ABHD12: variants seen among roughly 807,000 people sequenced by gnomAD.
ABHD12 encodes the protein abhydrolase domain containing 12, lysophospholipase, also known as lysophosphatidylserine lipase ABHD12.
In ABHD12, 43 loss-of-function variants were observed where a neutral mutation model predicts 58.3. That is an observed-to-expected ratio of 0.74 (90% confidence interval 0.58 to 0.95). ABHD12 has a LOEUF of 0.95. Among genes scored for constraint, ABHD12 ranks in the 40% least tolerant of loss-of-function variants. The pLI is 0.00. For synonymous variants in ABHD12, 219 were observed against 211.2 expected (o/e 1.04, Z -0.32); for missense variants, 539 against 537.2 (o/e 1.00, Z -0.03).
intron 7 of ABHD12, 120 bp downstream of exon 7, chr20:25,309,326 C>A: frequency 6.9e-7 from 1 of 1,457,510 alleles, no homozygotes; most frequent in South Asian, 1.2e-5. Context: ...GGGAGCGAGG[C>A]TGGTCGGGAC....
At chr20:25,298,259 G>A (rs566468949), downstream of ABHD12, among the ~76,000 whole-genome samples, 453 of 129,426 alleles carry the variant, frequency 3.5e-3, 1 homozygote, top group South Asian at 7.2e-3. Context: ...GTGCCTGAAC[G>A]GCTAGTTTTG....
intron 1 of ABHD12, among the ~76,000 whole-genome samples, chr20:25,362,812 T>C (rs1475536737): frequency 4.6e-5 from 7 of 151,614 alleles, no homozygotes; most frequent in Admixed American, 1.3e-4. Flanking sequence ...GTAGATGGGA[T>C]TGCAGGCGTG....
chr20:25,316,543 T>TG (rs2088965595), intron 5 of ABHD12, among the ~76,000 whole-genome samples: 2 of 152,266 alleles, frequency 1.3e-5, no homozygotes, highest in Admixed American at 1.3e-4. Context: ...TATCTGCACT[T>TG]GGTCTACAAA....
At chr20:25,369,996 T>C (rs2089879465) in intron 1 of ABHD12, among the ~76,000 whole-genome samples, 1 of 150,274 alleles carries the variant, frequency 6.7e-6, no homozygotes, top group Non-Finnish European at 1.5e-5. Flanking sequence ...TAGATATAAG[T>C]GGGTCCTTGC....
At chr20:25,303,754 C>G (rs932058441) in intron 10 of ABHD12, 126 bp from the exon 11 acceptor site, 1 of 1,335,470 alleles carries the variant, frequency 7.5e-7, no homozygotes, top group African/African-American at 1.5e-5. Context: ...TGCTGGATTT[C>G]TTTTTACTAG....
chr20:25,353,854 G>A (rs1038896340), intron 1 of ABHD12, among the ~76,000 whole-genome samples: 3 of 152,138 alleles, frequency 2.0e-5, no homozygotes, highest in Non-Finnish European at 2.9e-5. Context: ...CAAACTCAAC[G>A]TCAGGCCGTG....
At chr20:25,334,622 A>G (rs1460843701) in intron 2 of ABHD12, among the ~76,000 whole-genome samples, 1 of 151,908 alleles carries the variant, frequency 6.6e-6, no homozygotes, top group African/African-American at 2.4e-5. Flanking sequence ...GATCAATGGA[A>G]CAGAACAGAG....
At chr20:25,365,449 C>A (rs1324024009) in intron 1 of ABHD12, among the ~76,000 whole-genome samples, 1 of 152,142 alleles carries the variant, frequency 6.6e-6, no homozygotes, top group African/African-American at 2.4e-5. Context: ...TTTTACAGCT[C>A]CTAACTGGGT....
downstream of ABHD12, among the ~76,000 whole-genome samples, chr20:25,295,242 C>T (rs2088522309): frequency 1.3e-5 from 2 of 152,258 alleles, no homozygotes; most frequent in Admixed American, 1.3e-4. Flanking sequence ...GCAAGTGCCC[C>T]CTGCCCTGAG....
At chr20:25,296,058 A>G (rs540662186), downstream of ABHD12, among the ~76,000 whole-genome samples, 1 of 152,292 alleles carries the variant, frequency 6.6e-6, no homozygotes, top group East Asian at 1.9e-4. Flanking sequence ...GTCCCCTGGC[A>G]CTGGATCTGC....
chr20:25,354,422 G>A (rs183911522), intron 1 of ABHD12, among the ~76,000 whole-genome samples: 12 of 152,330 alleles, frequency 7.9e-5, no homozygotes, highest in Admixed American at 7.2e-4. Flanking sequence ...GACAGAATAC[G>A]TTCTACATTT....
At chr20:25,388,779 G>A (rs984857936) in intron 1 of ABHD12, among the ~76,000 whole-genome samples, 1 of 124,050 alleles carries the variant, frequency 8.1e-6, no homozygotes, top group African/African-American at 3.0e-5. Context: ...AAAACAATTT[G>A]ATTTTTTCTT....
At position 25,314,964 on chromosome 20, in the gene ABHD12, T is replaced by C. The variant is rs775763559; in HGVS notation, c.580A>G (p.Ser194Gly). ...GTGACCACATGGTAACCAAGGGAAC[T>C]CAGCACCTGTAAAGTGAAAAATAAA... ...DHRVELYKVL[S>G]SLGYHVVTFD... is the part of the protein sequence containing the mutation. Residue 194 changes from serine (S) to glycine (G), a missense_variant, in exon 6 of 13, where the codon AGT (serine) becomes GGT (glycine). Transcript: ENST00000339157. 3.1e-6 allele frequency: 5 copies of C among 1,614,246 alleles called. No homozygotes were observed. The Admixed American group carries it at 6.7e-5, about 22-fold the overall frequency.
intron 1 of ABHD12, among the ~76,000 whole-genome samples, chr20:25,384,906 AT>A (rs543485770): frequency 7.2e-5 from 11 of 152,310 alleles, no homozygotes; most frequent in Middle Eastern, 6.8e-3. Context: ...ACTTCTCAGC[AT>A]CCCCCAGAAC....
At chr20:25,377,360 G>GT (rs913310581) in intron 1 of ABHD12, among the ~76,000 whole-genome samples, 1 of 152,126 alleles carries the variant, frequency 6.6e-6, no homozygotes, top group African/African-American at 2.4e-5. Flanking sequence ...TTCTTAGTCA[G>GT]TTTTTTGTTT....
chr20:25,308,461 C>T lies in ABHD12; in HGVS notation c.783G>A (p.Glu261=). Residue 261 remains glutamate (E), a synonymous_variant, in exon 8 of 13, where the codon GAG becomes GAA. Coordinates refer to ENST00000339157, the MANE Select transcript of ABHD12 (RefSeq NM_001042472.3). ...VATNLVRRLC[E]RETPPDALIL... ...GGGGCCCAACAAGGCACTCACCTCGCTCACAGAGGCGCCGCACCAGATTTG... is the reference window on the plus strand; with the variant it reads ...GGGGCCCAACAAGGCACTCACCTCGTTCACAGAGGCGCCGCACCAGATTTG... 7 of 1,611,778 alleles carry T rather than the reference C, an allele frequency of 4.3e-6. No homozygotes were observed. Among genetic ancestry groups the T allele is most frequent in the Non-Finnish European group, 5.9e-6 (7 of 1,179,170 alleles).
At chr20:25,302,060 C>G (rs1386633845) in intron 12 of ABHD12, among the ~76,000 whole-genome samples, 159 bp downstream of exon 12, 1 of 152,202 alleles carries the variant, frequency 6.6e-6, no homozygotes, top group Non-Finnish European at 1.5e-5. Flanking sequence ...GGCACTCCCT[C>G]AAACCCCTCT....
intron 4 of ABHD12, 91 bp from the exon 5 acceptor site, chr20:25,317,169 G>A (rs543974266): frequency 1.4e-4 from 119 of 832,050 alleles, no homozygotes; most frequent in Non-Finnish European, 2.3e-4. Flanking sequence ...CCAGGGGGAG[G>A]CCAATGAAAG....
At chr20:25,369,750 T>C (rs564707602) in intron 1 of ABHD12, among the ~76,000 whole-genome samples, 1 of 152,168 alleles carries the variant, frequency 6.6e-6, no homozygotes, top group East Asian at 1.9e-4. Flanking sequence ...AACTTCACAC[T>C]GGAAAAACTT....
Sources: allele counts gnomAD v4.1 joint callset (sites outside exome capture counted in the v4.1 genomes callset), GRCh38; gene constraint gnomAD v4.1.1; transcripts MANE v1.5; gene names NCBI Gene and HGNC (gene_info 2026-07-23, HGNC 2026-07-21).